Variants in CCSER1 observed in about 807,000 individuals in gnomAD.
CCSER1 encodes the protein serine-rich coiled-coil domain-containing protein 1.
Under a neutral mutation model 82.0 loss-of-function variants are expected in CCSER1, and 41 were observed. That is an observed-to-expected ratio of 0.50 (90% confidence interval 0.39 to 0.65). The LOEUF is 0.65. Ranked by LOEUF, CCSER1 falls within the 30% of genes least tolerant of loss-of-function variation. The pLI is 0.00. For missense variants in CCSER1, 1,119 were observed against 1,064.2 expected (o/e 1.05, Z -0.72); for synonymous variants, 414 against 383.9 (o/e 1.08, Z -0.92).
intron 10 of CCSER1, among the ~76,000 whole-genome samples, chr4:91,162,657 G>C (rs941113663): frequency 6.6e-6 from 1 of 152,064 alleles, no homozygotes; most frequent in Non-Finnish European, 1.5e-5. Context: ...GTTTAGTCTT[G>C]GGAGGGTGTA....
intron 9 of CCSER1, among the ~76,000 whole-genome samples, chr4:91,065,372 CATT>C (rs947732013): frequency 2.0e-5 from 3 of 151,862 alleles, no homozygotes; most frequent in African/African-American, 7.3e-5. Context: ...CAGTGATGTA[CATT>C]ATTGTATAAT....
chr4:90,511,204 G>C (rs991842062), intron 5 of CCSER1, among the ~76,000 whole-genome samples: 8 of 152,084 alleles, frequency 5.3e-5, no homozygotes, highest in Non-Finnish European at 8.8e-5. Flanking sequence ...CAGATCATGA[G>C]GTCAAGAGAT....
At chr4:91,293,118 C>T (rs1743883138) in intron 10 of CCSER1, among the ~76,000 whole-genome samples, 1 of 151,934 alleles carries the variant, frequency 6.6e-6, no homozygotes, top group Admixed American at 6.6e-5. Flanking sequence ...AATGTAAAAT[C>T]TGGAGACAAA....
intron 10 of CCSER1, among the ~76,000 whole-genome samples, chr4:91,437,528 GTCTACAGC>G (rs1754743146): frequency 6.6e-6 from 1 of 152,222 alleles, no homozygotes; most frequent in Non-Finnish European, 1.5e-5. Context: ...AACAGCTCCG[GTCTACAGC>G]TCCCAGCGTG....
At chr4:91,452,435 C>T (rs972185121) in intron 10 of CCSER1, among the ~76,000 whole-genome samples, 1 of 152,090 alleles carries the variant, frequency 6.6e-6, no homozygotes, top group Admixed American at 6.6e-5. Flanking sequence ...ATTGGGTACA[C>T]TACTTGTCAT....
intron 6 of CCSER1, among the ~76,000 whole-genome samples, chr4:90,716,910 G>C (rs989536274): frequency 1.3e-5 from 2 of 152,044 alleles, no homozygotes; most frequent in African/African-American, 4.8e-5. Context: ...ATGTAGAGCT[G>C]GATTATCAAT....
At chr4:91,487,611 AC>A (rs1758290318) in intron 10 of CCSER1, among the ~76,000 whole-genome samples, 1 of 152,110 alleles carries the variant, frequency 6.6e-6, no homozygotes, top group South Asian at 2.1e-4. Flanking sequence ...TTGTAGTTGC[AC>A]AAGCAAAAGA....
At chr4:91,331,476 C>T (rs1746949585) in intron 10 of CCSER1, among the ~76,000 whole-genome samples, 1 of 152,094 alleles carries the variant, frequency 6.6e-6, no homozygotes, top group African/African-American at 2.4e-5. Context: ...TGGCTTGCTG[C>T]TCTGCCACAG....
intron 8 of CCSER1, among the ~76,000 whole-genome samples, chr4:90,826,524 C>T (rs979756787): frequency 2.0e-5 from 3 of 152,174 alleles, no homozygotes; most frequent in Admixed American, 2.0e-4. Context: ...TAACCTTTGA[C>T]AGGTACTGTG....
chr4:91,531,936 C>G (rs897307229), intron 10 of CCSER1, among the ~76,000 whole-genome samples: 1 of 152,176 alleles, frequency 6.6e-6, no homozygotes, highest in African/African-American at 2.4e-5. Flanking sequence ...TGATCTCAAA[C>G]TCTTGTGCTC....
At chr4:91,245,078 G>T (rs906800426) in intron 10 of CCSER1, among the ~76,000 whole-genome samples, 1 of 151,900 alleles carries the variant, frequency 6.6e-6, no homozygotes, top group Non-Finnish European at 1.5e-5. Context: ...AGGCCATTTG[G>T]AAATACATGG....
intron 9 of CCSER1, among the ~76,000 whole-genome samples, chr4:91,061,257 G>A (rs11734640): frequency 0.049 from 7,406 of 151,184 alleles, 557 homozygotes; most frequent in African/African-American, 0.16. Context: ...TACTGTATCC[G>A]TTCAGATACT....
chr4:91,402,013 C>A (rs1369846611), intron 10 of CCSER1, among the ~76,000 whole-genome samples: 2 of 152,186 alleles, frequency 1.3e-5, no homozygotes, highest in African/African-American at 4.8e-5. Context: ...TACAGTCCCA[C>A]CAACAGTGTA....
At chr4:91,186,143 A>T (rs750249412) in intron 10 of CCSER1, among the ~76,000 whole-genome samples, 3 of 152,186 alleles carry the variant, frequency 2.0e-5, no homozygotes, top group Non-Finnish European at 4.4e-5. Context: ...CTTTTCACCC[A>T]GTGTCCTCCA....
At chr4:91,146,121 T>C (rs568507700) in intron 10 of CCSER1, among the ~76,000 whole-genome samples, 367 of 152,334 alleles carry the variant, frequency 2.4e-3, no homozygotes, top group African/African-American at 6.4e-3. Context: ...TGTTCATTTT[T>C]TAAAATTATT....
At chr4:90,736,590 T>A (rs1448179933) in intron 7 of CCSER1, among the ~76,000 whole-genome samples, 2 of 152,034 alleles carry the variant, frequency 1.3e-5, no homozygotes, top group African/African-American at 2.4e-5. Flanking sequence ...TCTATATTTG[T>A]TTTTACAGGT....
intron 1 of CCSER1, among the ~76,000 whole-genome samples, chr4:90,203,944 G>A (rs919382206): frequency 3.3e-5 from 5 of 152,120 alleles, no homozygotes; most frequent in African/African-American, 1.2e-4. Flanking sequence ...AATTACCAGG[G>A]ATTATGAGCT....
chr4:91,479,858 C>A (rs1374455820), intron 10 of CCSER1, among the ~76,000 whole-genome samples: 1 of 144,378 alleles, frequency 6.9e-6, no homozygotes, highest in Non-Finnish European at 1.5e-5. Flanking sequence ...CGTCATCTAG[C>A]ATTAGGTATA....
chr4:91,446,427 GAA>G (rs1465148989), intron 10 of CCSER1, among the ~76,000 whole-genome samples: 1 of 151,720 alleles, frequency 6.6e-6, no homozygotes, highest in African/African-American at 2.4e-5. Flanking sequence ...GTGTGCTCTA[GAA>G]ATACTATACT....
Sources: gnomAD v4.1 joint callset for allele counts (sites outside exome capture counted in the v4.1 genomes callset) on GRCh38, gnomAD v4.1.1 for gene constraint, MANE v1.5 for transcripts, NCBI Gene and HGNC (gene_info 2026-07-23, HGNC 2026-07-21) for gene names.